Variants in NCOR1 observed in about 807,000 individuals in gnomAD.
NCOR1 encodes nuclear receptor corepressor 1, also known as protein phosphatase 1, regulatory subunit 109.
NCOR1 carries 63 observed loss-of-function variants against 288.1 expected under a neutral mutation model. The ratio of observed to expected loss-of-function variants is 0.22; its 90% CI spans 0.18 to 0.27. The LOEUF (loss-of-function observed/expected upper bound fraction) is 0.27, where lower values mean the gene tolerates loss of function less well. Among genes scored for constraint, NCOR1 ranks in the 10% least tolerant of loss-of-function variants. NCOR1 has a pLI of 1.00. For synonymous variants in NCOR1, 1,007 were observed against 1,065.9 expected (o/e 0.94, Z 1.08); for missense variants, 2,397 against 3,019.2 (o/e 0.79, Z 4.83).
intron 14 of NCOR1, among the ~76,000 whole-genome samples, chr17:16,132,877 TTCCTTCCTTCCTTTCCC>T (rs1437476134): frequency 2.0e-5 from 3 of 151,228 alleles, no homozygotes; most frequent in Non-Finnish European, 4.4e-5. Flanking sequence ...TTTTCTTGCT[TTCCTTCCTTCCTTTCCC>T]TCCTTCCTTC....
At chr17:16,054,542 G>T (rs972762552) in intron 40 of NCOR1, among the ~76,000 whole-genome samples, 1 of 151,814 alleles carries the variant, frequency 6.6e-6, no homozygotes, top group African/African-American at 2.4e-5. Flanking sequence ...AAAGAGAGTG[G>T]GCAAATGACA....
At chr17:16,101,874 T>C in intron 19 of NCOR1, 117 bp from the exon 20 acceptor site, 1 of 1,263,124 alleles carries the variant, frequency 7.9e-7, no homozygotes, top group Non-Finnish European at 1.1e-6. Context: ...GAAACCATGT[T>C]TGAAAGTAGT....
intron 5 of NCOR1, among the ~76,000 whole-genome samples, chr17:16,159,339 G>A (rs1305729106): frequency 6.6e-6 from 1 of 151,098 alleles, no homozygotes; most frequent in Non-Finnish European, 1.5e-5. Context: ...CTTGAACCCG[G>A]GAGGTGGAGG....
intron 17 of NCOR1, among the ~76,000 whole-genome samples, chr17:16,118,286 C>T (rs1250626701): frequency 2.0e-5 from 3 of 152,194 alleles, no homozygotes; most frequent in Non-Finnish European, 4.4e-5. Context: ...CTATGTATCT[C>T]TCACAGGGCT....
At chr17:16,045,085 G>C (rs1567679929) in intron 42 of NCOR1, 1 of 332,616 alleles carries the variant, frequency 3.0e-6, no homozygotes, top group East Asian at 7.1e-5. Flanking sequence ...TAAGACTGGG[G>C]GGATAGTTAG....
At chr17:16,075,836 A>C in intron 26 of NCOR1, 134 bp from the exon 27 acceptor site, 2 of 906,310 alleles carry the variant, frequency 2.2e-6, no homozygotes, top group Non-Finnish European at 3.3e-6. Flanking sequence ...CATACATGAA[A>C]GGAAATTAGA....
chr17:16,061,300 C>T, intron 37 of NCOR1, 101 bp downstream of exon 37: 2 of 1,384,604 alleles, frequency 1.4e-6, no homozygotes, highest in African/African-American at 1.4e-5. Flanking sequence ...TTACTATCAA[C>T]CGTTAGGATT....
intron 11 of NCOR1, among the ~76,000 whole-genome samples, chr17:16,141,870 T>C (rs1288124274): frequency 1.3e-5 from 2 of 152,252 alleles, no homozygotes; most frequent in African/African-American, 2.4e-5. Flanking sequence ...GTTGAGTATC[T>C]GGCTCCACTA....
chr17:16,039,704 G>A lies in NCOR1; in HGVS notation c.6734-50C>T. 2.6e-6 allele frequency: 4 copies of A among 1,513,388 alleles called. No individual in the cohort carries two copies. The South Asian group carries it at 3.6e-5, about 13-fold the overall frequency. 93.7% of individuals were successfully genotyped at this position (1,513,388 alleles called of 1,614,324 possible). ...CACTTATTTCTGAAAGGCCAATCAG[G>A]AAACAAACATGCATTGCCCCATCAG... On this transcript the variant is annotated intron_variant, in intron 43 of 45. Coordinates refer to ENST00000268712, the MANE Select transcript of NCOR1 (RefSeq NM_006311.4).
intron 18 of NCOR1, among the ~76,000 whole-genome samples, chr17:16,115,932 G>A (rs999062766): frequency 2.0e-5 from 3 of 152,128 alleles, no homozygotes; most frequent in Non-Finnish European, 4.4e-5. Flanking sequence ...GTATTAGTCC[G>A]TTTTCACGCT....
chr17:16,210,961 G>C (rs568658553), intron 1 of NCOR1, among the ~76,000 whole-genome samples: 1 of 152,164 alleles, frequency 6.6e-6, no homozygotes, highest in South Asian at 2.1e-4. Flanking sequence ...TCGATCTCCT[G>C]ACCTCATGAT....
intron 5 of NCOR1, among the ~76,000 whole-genome samples, chr17:16,160,219 G>A (rs993115692): frequency 6.6e-6 from 1 of 152,056 alleles, no homozygotes; most frequent in African/African-American, 2.4e-5. Context: ...TTTTTGAAAG[G>A]ACTAAATGAC....
In NCOR1 at chr17:16,064,241, A is replaced by T; in HGVS notation, c.5102-54T>A. The T allele has an allele frequency of 1.9e-6, 3 of 1,555,462 alleles. No homozygotes were observed. In the South Asian group the frequency reaches 3.5e-5, roughly 18 times the overall value. ...ATAAAAATATCAACTGACTGAGTAT[A>T]TCAAACAATTCCGAAATTCTAAGTG... On this transcript the variant is annotated intron_variant, in intron 34 of 45. Coordinates refer to ENST00000268712, the MANE Select transcript of NCOR1 (RefSeq NM_006311.4).
chr17:16,118,308 AG>A (rs2072165175), intron 17 of NCOR1, among the ~76,000 whole-genome samples: 1 of 152,202 alleles, frequency 6.6e-6, no homozygotes, highest in South Asian at 2.1e-4. Flanking sequence ...GGACAACATT[AG>A]ACACATTAGT....
At chr17:16,197,986 TACACTC>T (rs1283677262) in intron 1 of NCOR1, among the ~76,000 whole-genome samples, 1 of 151,998 alleles carries the variant, frequency 6.6e-6, no homozygotes, top group African/African-American at 2.4e-5. Context: ...TACACATACA[TACACTC>T]ACACTTTTTC....
chr17:16,096,860 A>T (rs569314241), intron 21 of NCOR1, among the ~76,000 whole-genome samples: 6 of 152,352 alleles, frequency 3.9e-5, no homozygotes, highest in African/African-American at 1.4e-4. Flanking sequence ...TAGTCACAAT[A>T]GTCCAGAGGT....
At chr17:16,126,252 A>G (rs1598992568) in intron 14 of NCOR1, 46 bp from the exon 15 acceptor site, 1 of 1,494,400 alleles carries the variant, frequency 6.7e-7, no homozygotes, top group Non-Finnish European at 8.9e-7. Context: ...GCAAACAGAA[A>G]TAGCTCCTTA....
intron 17 of NCOR1, among the ~76,000 whole-genome samples, chr17:16,118,897 A>G (rs1469238659): frequency 3.3e-5 from 5 of 152,252 alleles, no homozygotes; most frequent in Non-Finnish European, 5.9e-5. Flanking sequence ...CAAAGCTATG[A>G]AAGTGGCAGA....
intron 15 of NCOR1, among the ~76,000 whole-genome samples, chr17:16,121,651 G>A (rs2073043844): frequency 6.6e-6 from 1 of 152,136 alleles, no homozygotes; most frequent in Non-Finnish European, 1.5e-5. Context: ...TTTAGTCTAG[G>A]TTGCCTCATG....
Sources: allele counts gnomAD v4.1 joint callset (sites outside exome capture counted in the v4.1 genomes callset), GRCh38; gene constraint gnomAD v4.1.1; transcripts MANE v1.5; gene names NCBI Gene and HGNC (gene_info 2026-07-23, HGNC 2026-07-21).